Variants in GPRC5B observed in about 807,000 individuals in gnomAD.
GPRC5B encodes the protein G protein-coupled receptor family C group 5 member B.
GPRC5B carries 16 observed loss-of-function variants against 30.1 expected under a neutral mutation model. That is an observed-to-expected ratio of 0.53 (90% CI 0.36 to 0.81). GPRC5B has a LOEUF of 0.81. GPRC5B is among the 30% of genes least tolerant of loss of function. The pLI is 0.01. For synonymous variants in GPRC5B, 241 were observed against 239.5 expected (o/e 1.01, Z -0.06); for missense variants, 428 against 544.7 (o/e 0.79, Z 2.13).
chr16:19,867,690 T>C (rs2056678309), intron 2 of GPRC5B, among the ~76,000 whole-genome samples: 2 of 152,182 alleles, frequency 1.3e-5, no homozygotes, highest in Admixed American at 1.3e-4. Context: ...TATTAGATGG[T>C]AGAGCCTTTG....
At position 19,861,845 on chromosome 16, in the gene GPRC5B, C is replaced by A. The variant is rs373407280; in HGVS notation, c.1159G>T (p.Gly387Cys). The change falls in exon 3 of 4, where the codon GGT becomes TGT. Residue 387 changes from glycine (G) to cysteine (C), a missense_variant. This residue lies in a region of GPRC5B where 19 missense variants were observed against 43.1 expected (regional missense o/e 0.44). Coordinates refer to ENST00000300571, the MANE Select transcript of GPRC5B (RefSeq NM_016235.3). ...QPTEMAVVLNGGTIPTAPPSH... is the reference protein window; with the variant it reads ...QPTEMAVVLNCGTIPTAPPSH... ...CACATCTTGATACTTACGGTCCCAC[C>A]GTTGAGCACGACGGCCATCTCAGTT... The A allele has an allele frequency of 6.2e-7, 1 of 1,613,228 alleles. No individual in the cohort carries two copies. The highest frequency in any genetic ancestry group is 8.5e-7 in the Non-Finnish European group (1 of 1,179,712).
chr16:19,879,772 C>A (rs762908163), intron 1 of GPRC5B, among the ~76,000 whole-genome samples: 1 of 152,048 alleles, frequency 6.6e-6, no homozygotes, highest in Non-Finnish European at 1.5e-5. Flanking sequence ...GTTGCGGTGA[C>A]GGTTAAAATA....
intron 3 of GPRC5B, 69 bp downstream of exon 3, chr16:19,861,768 T>G: frequency 7.3e-7 from 1 of 1,365,546 alleles, no homozygotes; most frequent in Non-Finnish European, 1.0e-6. Context: ...AGTATGTCCC[T>G]GTTGAAGCTG....
chr16:19,885,054 A>G, upstream of GPRC5B: 2 of 685,928 alleles, frequency 2.9e-6, no homozygotes, highest in Non-Finnish European at 4.3e-6. This position sits in a 1 kb window ranked among gnomAD's most constrained non-coding sequence, Gnocchi z 5.3. Flanking sequence ...TCTAGCCCGG[A>G]TCTCAGAGAC....
intron 1 of GPRC5B, among the ~76,000 whole-genome samples, chr16:19,881,316 G>A (rs935559633): frequency 4.6e-5 from 7 of 152,232 alleles, no homozygotes; most frequent in Non-Finnish European, 7.3e-5. Flanking sequence ...GCTCATGCCT[G>A]TAATCCCAGC....
At chr16:19,870,309 C>A (rs186257911) in intron 2 of GPRC5B, among the ~76,000 whole-genome samples, 117 of 152,292 alleles carry the variant, frequency 7.7e-4, no homozygotes, top group African/African-American at 2.7e-3. Context: ...TTGCAGGGAC[C>A]ACTTCCCCAC....
At chr16:19,881,792 C>A (rs1422424706) in intron 1 of GPRC5B, among the ~76,000 whole-genome samples, 1 of 152,210 alleles carries the variant, frequency 6.6e-6, no homozygotes, top group Admixed American at 6.5e-5. Flanking sequence ...AAAAGAAAGA[C>A]AATCATGATT....
At chr16:19,885,489 TG>T, upstream of GPRC5B, 1 of 1,138,042 alleles carries the variant, frequency 8.8e-7, no homozygotes, top group South Asian at 1.7e-5. The surrounding 1 kb of genome is among the most constrained non-coding windows in gnomAD (Gnocchi z 5.3). Context: ...TTACGCACAC[TG>T]GGACCAACAC....
At chr16:19,876,313 T>C (rs1027507815) in intron 1 of GPRC5B, among the ~76,000 whole-genome samples, 30 of 152,226 alleles carry the variant, frequency 2.0e-4, no homozygotes, top group African/African-American at 7.0e-4. Flanking sequence ...AGACCAGCAA[T>C]GCTGCCAAAC....
intron 2 of GPRC5B, among the ~76,000 whole-genome samples, chr16:19,864,399 C>T (rs938797634): frequency 2.0e-5 from 3 of 152,250 alleles, no homozygotes; most frequent in Non-Finnish European, 4.4e-5. Flanking sequence ...AGATGTGATT[C>T]GAGGTGCTAC....
At position 19,857,484 on chromosome 16, in the gene GPRC5B, G is replaced by A; in HGVS notation, c.*3016C>T. 2.3e-6 allele frequency: 1 copy of A among 432,084 alleles called. No homozygotes were observed. The highest frequency in any genetic ancestry group is 4.5e-6 in the Non-Finnish European group (1 of 220,424). 26.8% of individuals were successfully genotyped at this position (432,084 alleles called of 1,614,324 possible). ...CAACAGTCAGCCGGGGGAAGATAAA[G>A]GTACATTATAAAACACACATTAATG... On this transcript the variant is annotated 3_prime_UTR_variant, in exon 4 of 4. Transcript: ENST00000300571.
intron 1 of GPRC5B, among the ~76,000 whole-genome samples, chr16:19,873,911 C>T (rs542026981): frequency 1.8e-4 from 27 of 152,272 alleles, no homozygotes; most frequent in Non-Finnish European, 3.8e-4. Context: ...TCCTGAGTAG[C>T]TGGGATTACA....
At position 19,859,536 on chromosome 16, in the gene GPRC5B, G is replaced by A. The variant is rs1000344869; in HGVS notation, c.*964C>T. Reference sequence around the variant, plus strand: ...TCCTAGTGGGAACCCCTGAAGCCCTGCTAGGTGACATCATCGCGGAAAACC... The same window carrying A: ...TCCTAGTGGGAACCCCTGAAGCCCTACTAGGTGACATCATCGCGGAAAACC... On this transcript the variant is annotated 3_prime_UTR_variant, in exon 4 of 4. Coordinates refer to ENST00000300571, the MANE Select transcript of GPRC5B (RefSeq NM_016235.3). 3.9e-5 allele frequency: 6 copies of A among 152,262 alleles called. No homozygotes were observed. Among genetic ancestry groups the A allele is most frequent in the African/African-American group, 9.7e-5 (4 of 41,448 alleles). 9.4% of individuals were successfully genotyped at this position (152,262 alleles called of 1,614,324 possible).
chr16:19,860,274 T>C lies in GPRC5B; in HGVS notation c.*226A>G. 3.6e-6 allele frequency: 2 copies of C among 549,892 alleles called. No individual in the cohort carries two copies. The highest frequency in any genetic ancestry group is 6.5e-6 in the Non-Finnish European group (2 of 306,450). 34.1% of individuals were successfully genotyped at this position (549,892 alleles called of 1,614,324 possible). A position where few individuals can be genotyped will look rare whatever the true frequency, so the allele number is the denominator to read the frequency against. On this transcript the variant is annotated 3_prime_UTR_variant, in exon 4 of 4. Coordinates refer to ENST00000300571, the MANE Select transcript of GPRC5B (RefSeq NM_016235.3). ...TTTGCGGGGATTGAGGTTGGTCTGG[T>C]ATTACGTGTCTGTGTGTGTGGCAGG...
chr16:19,876,223 A>G (rs573729784), intron 1 of GPRC5B, among the ~76,000 whole-genome samples: 5 of 152,352 alleles, frequency 3.3e-5, no homozygotes, highest in South Asian at 2.1e-4. Flanking sequence ...TTTGACCCCA[A>G]GGGGACATTT....
chr16:19,861,736 A>T, intron 3 of GPRC5B, 101 bp downstream of exon 3: 1 of 971,494 alleles, frequency 1.0e-6, no homozygotes, highest in Non-Finnish European at 1.6e-6. Context: ...CTTGCAGGCC[A>T]CATGGGCAGC....
At chr16:19,869,901 A>AT (rs1192902576) in intron 2 of GPRC5B, among the ~76,000 whole-genome samples, 3 of 152,014 alleles carry the variant, frequency 2.0e-5, no homozygotes, top group African/African-American at 7.3e-5. Context: ...GTGAGACCCC[A>AT]TGTCTATCAA....
In GPRC5B at chr16:19,871,890, G is replaced by A; in HGVS notation, c.956C>T (p.Ala319Val). The A allele has an allele frequency of 6.2e-7, 1 of 1,613,962 alleles. No individual in the cohort carries two copies. Among genetic ancestry groups the A allele is most frequent in the Non-Finnish European group, 8.5e-7 (1 of 1,180,028 alleles). The change falls in exon 2 of 4, where the codon GCC (alanine) becomes GTC (valine). Residue 319 changes from alanine (A) to valine (V), a missense_variant. Coordinates refer to ENST00000300571, the MANE Select transcript of GPRC5B (RefSeq NM_016235.3). ...DTSQPRMRETAFEEDVQLPRA... is the reference protein window; with the variant it reads ...DTSQPRMRETVFEEDVQLPRA... ...CGGCAGCTGCACGTCCTCCTCGAAGGCCGTCTCCCGCATCCTGGGCTGCGA... is the reference window on the plus strand; with the variant it reads ...CGGCAGCTGCACGTCCTCCTCGAAGACCGTCTCCCGCATCCTGGGCTGCGA...
At position 19,867,054 on chromosome 16, in the gene GPRC5B, C is replaced by T. The variant is rs148771030; in HGVS notation, c.1030+4762G>A. 4.8e-4 allele frequency among the ~76,000 whole-genome samples: 73 copies of T among 152,290 alleles called. 1 individual carries two copies. The highest frequency in any genetic ancestry group is 1.4e-3 in the African/African-American group (57 of 41,566). On this transcript the variant is annotated intron_variant, in intron 2 of 3. Coordinates refer to ENST00000300571, the MANE Select transcript of GPRC5B (RefSeq NM_016235.3). ...CCAACTTTTTCCCTTCCTGCTCTGCCGTGTATTTATAGCCTATGCTTGAAC... is the reference window on the plus strand; with the variant it reads ...CCAACTTTTTCCCTTCCTGCTCTGCTGTGTATTTATAGCCTATGCTTGAAC...
Sources: gnomAD v4.1 joint callset for allele counts (sites outside exome capture counted in the v4.1 genomes callset) on GRCh38, gnomAD v4.1.1 for gene constraint, gnomAD v4.1.1 regional missense constraint, Gnocchi (gnomAD v3.1) non-coding constraint, MANE v1.5 for transcripts, NCBI Gene and HGNC (gene_info 2026-07-23, HGNC 2026-07-21) for gene names.